The following GRIK3 variants were observed in gnomAD, a reference collection of about 807,000 sequenced individuals.
The protein encoded by GRIK3 is glutamate ionotropic receptor kainate type subunit 3.
In GRIK3, 29 loss-of-function variants were observed where a neutral mutation model predicts 102.5. The observed-to-expected ratio is 0.28, with a 90% CI of 0.21 to 0.39. GRIK3 has a LOEUF of 0.39. Among genes scored for constraint, GRIK3 ranks in the 10% least tolerant of loss-of-function variants. GRIK3 has a pLI of 1.00. For synonymous variants in GRIK3, 511 were observed against 504.9 expected, an observed-to-expected ratio of 1.01 and a Z score of -0.16; for missense variants, 908 against 1,252.4, an observed-to-expected ratio of 0.73 and a Z score of 4.15.
intron 9 of GRIK3, among the ~76,000 whole-genome samples, chr1:36,845,361 G>A (rs1056895844): frequency 2.0e-5 from 3 of 152,166 alleles, no homozygotes; most frequent in Non-Finnish European, 4.4e-5. Flanking sequence ...TCTTCAACAA[G>A]TCACGGAAAA....
chr1:37,013,482 A>G (rs1196557970), intron 1 of GRIK3, among the ~76,000 whole-genome samples: 1 of 152,236 alleles, frequency 6.6e-6, no homozygotes, highest in Non-Finnish European at 1.5e-5. Flanking sequence ...GGAAGGAGCC[A>G]ACCAGAACTT....
At chr1:36,977,354 A>G (rs958442976) in intron 1 of GRIK3, among the ~76,000 whole-genome samples, 21 of 152,210 alleles carry the variant, frequency 1.4e-4, no homozygotes, top group Admixed American at 1.3e-4. Context: ...GGTTCTGAGA[A>G]GTTCTGGATA....
chr1:36,918,588 A>C (rs1641432576), intron 1 of GRIK3, among the ~76,000 whole-genome samples: 1 of 152,198 alleles, frequency 6.6e-6, no homozygotes, highest in Admixed American at 6.5e-5. Flanking sequence ...CAGATGAAGA[A>C]ACTGAGGTTC....
intron 1 of GRIK3, among the ~76,000 whole-genome samples, chr1:36,930,924 G>A (rs1388125844): frequency 6.6e-6 from 1 of 152,198 alleles, no homozygotes; most frequent in Non-Finnish European, 1.5e-5. Flanking sequence ...TACGCTTTTA[G>A]GTAGGAAAGC....
chr1:36,857,244 C>G (rs111786196), intron 7 of GRIK3, among the ~76,000 whole-genome samples: 1 of 152,150 alleles, frequency 6.6e-6, no homozygotes, highest in African/African-American at 2.4e-5. Flanking sequence ...GACACCGACA[C>G]CCTCACAGTG....
intron 1 of GRIK3, among the ~76,000 whole-genome samples, chr1:37,012,484 T>C (rs1235495951): frequency 6.6e-6 from 1 of 152,230 alleles, no homozygotes; most frequent in Admixed American, 6.5e-5. Flanking sequence ...AGGTCACAAT[T>C]GCAAACCACG....
intron 1 of GRIK3, among the ~76,000 whole-genome samples, chr1:36,928,192 G>A (rs1641549849): frequency 1.3e-5 from 2 of 152,206 alleles, no homozygotes; most frequent in Admixed American, 6.5e-5. Flanking sequence ...GGGAAGAGGT[G>A]AGTGGAGGCA....
intron 7 of GRIK3, among the ~76,000 whole-genome samples, chr1:36,856,025 G>A (rs1020116380): frequency 6.6e-6 from 1 of 152,218 alleles, no homozygotes; most frequent in Non-Finnish European, 1.5e-5. Flanking sequence ...AGGTGGAGTC[G>A]GGGAAGCTTA....
chr1:37,011,637 A>G (rs914692014), intron 1 of GRIK3, among the ~76,000 whole-genome samples: 1 of 152,180 alleles, frequency 6.6e-6, no homozygotes, highest in South Asian at 2.1e-4. Context: ...TGTGAAGTCT[A>G]AGGGGGTAAA....
chr1:36,831,704 A>G (rs978884010), intron 10 of GRIK3, among the ~76,000 whole-genome samples: 3 of 152,240 alleles, frequency 2.0e-5, no homozygotes, highest in Admixed American at 1.3e-4. Context: ...TGCGGGCCAC[A>G]CATGGCTGTC....
chr1:36,807,370 A>G (rs1642513130), intron 13 of GRIK3, among the ~76,000 whole-genome samples: 2 of 152,122 alleles, frequency 1.3e-5, no homozygotes, highest in African/African-American at 4.8e-5. Flanking sequence ...CCCAGCAGGG[A>G]TCAGCCCTGT....
intron 1 of GRIK3, among the ~76,000 whole-genome samples, chr1:36,938,537 T>C (rs1249469992): frequency 6.6e-6 from 1 of 152,202 alleles, no homozygotes; most frequent in Non-Finnish European, 1.5e-5. Flanking sequence ...GGACTGACTC[T>C]AAAAGATCTC....
chr1:36,981,892 G>C (rs1287750636), intron 1 of GRIK3, among the ~76,000 whole-genome samples: 1 of 152,198 alleles, frequency 6.6e-6, no homozygotes, highest in Non-Finnish European at 1.5e-5. Flanking sequence ...CAATGCCGAG[G>C]AGCAGCGCCC....
rs187990000 is a variant in GRIK3 at position 36,973,152 on chromosome 1, G to A, written c.115+60842C>T. On this transcript the variant is annotated intron_variant, in intron 1 of 15. Coordinates refer to ENST00000373091, the MANE Select transcript of GRIK3 (RefSeq NM_000831.4). The stretch of plus-strand genomic sequence containing the variant: ...CCTCCCTTGTTCAGATACTTCCAAA[G>A]CTACCCCCAGCCCTTAGGATAGCAT... Among the ~76,000 whole-genome samples the A allele has an allele frequency of 5.7e-3, 871 of 152,206 alleles. 11 individuals carry two copies. Among genetic ancestry groups the A allele is most frequent in the African/African-American group, 0.02 (829 of 41,524 alleles).
At chr1:36,864,113 CT>C (rs1415655950) in intron 5 of GRIK3, among the ~76,000 whole-genome samples, 1 of 152,174 alleles carries the variant, frequency 6.6e-6, no homozygotes, top group South Asian at 2.1e-4. Context: ...TATAATAGTT[CT>C]TTTTTCACCT....
At chr1:37,029,568 A>G (rs1457561231) in intron 1 of GRIK3, among the ~76,000 whole-genome samples, 1 of 151,922 alleles carries the variant, frequency 6.6e-6, no homozygotes. Flanking sequence ...TGCTAAAAGA[A>G]CCCCCTTCAC....
intron 1 of GRIK3, among the ~76,000 whole-genome samples, chr1:36,940,848 G>C (rs1641712214): frequency 6.6e-6 from 1 of 152,244 alleles, no homozygotes; most frequent in South Asian, 2.1e-4. Flanking sequence ...GCACAAGGGA[G>C]CACCACTGTT....
intron 1 of GRIK3, among the ~76,000 whole-genome samples, chr1:37,012,922 G>A (rs531433121): frequency 6.6e-6 from 1 of 152,216 alleles, no homozygotes; most frequent in East Asian, 2.0e-4. Flanking sequence ...TACTGCAGAC[G>A]GTGGTTTCTC....
intron 1 of GRIK3, among the ~76,000 whole-genome samples, chr1:36,900,874 C>T (rs982247834): frequency 6.6e-6 from 1 of 152,146 alleles, no homozygotes; most frequent in South Asian, 2.1e-4. Flanking sequence ...GAGGGGACAT[C>T]TCTACAGATC....
Sources: gnomAD v4.1 joint callset for allele counts (sites outside exome capture counted in the v4.1 genomes callset) on GRCh38, gnomAD v4.1.1 for gene constraint, MANE v1.5 for transcripts, NCBI Gene and HGNC (gene_info 2026-07-23, HGNC 2026-07-21) for gene names.